The following STX3 variants were observed in gnomAD, a reference collection of about 807,000 sequenced individuals.
STX3 encodes syntaxin 3.
A neutral mutation model predicts 40.2 loss-of-function variants in STX3; 19 were observed. The ratio of observed to expected loss-of-function variants is 0.47; its 90% CI spans 0.33 to 0.69. The LOEUF is 0.69. Among genes scored for constraint, STX3 ranks in the 30% least tolerant of loss-of-function variants. The pLI, the probability that STX3 is intolerant of heterozygous loss-of-function variation, is 0.02. For missense variants in STX3, 364 were observed against 366.7 expected, an observed-to-expected ratio of 0.99 and a Z score of 0.06; for synonymous variants, 122 against 132.2, an observed-to-expected ratio of 0.92 and a Z score of 0.53.
At position 59,801,531 on chromosome 11, in the gene STX3, G is replaced by A. The variant is rs1865887354; in HGVS notation, c.*707G>A. 4.1e-6 allele frequency: 4 copies of A among 985,412 alleles called. No homozygotes were observed. The highest frequency in any genetic ancestry group is 4.8e-6 in the Non-Finnish European group (4 of 829,930). The allele number at this position is 985,412 out of a possible 1,614,324, so 61.0% of individuals were successfully genotyped here. On this transcript the variant is annotated 3_prime_UTR_variant, in exon 11 of 11. Transcript: ENST00000337979. ...ATACAGTCATCTGAGGTTATGCTTT[G>A]CAAAAGGCTGACGGTATGGAATATG...
intron 10 of STX3, among the ~76,000 whole-genome samples, chr11:59,799,046 C>T (rs1038580999): frequency 3.9e-5 from 6 of 152,090 alleles, no homozygotes; most frequent in Admixed American, 1.3e-4. Context: ...TACACCAACA[C>T]GCCAAGATAA....
chr11:59,764,883 C>CTATTATTATTAT (rs71454394), intron 1 of STX3, among the ~76,000 whole-genome samples: 335 of 145,158 alleles, frequency 2.3e-3, no homozygotes, highest in East Asian at 5.5e-3. Flanking sequence ...CACACATTAT[C>CTATTATTATTAT]TATTATTATT....
chr11:59,758,082 G>A (rs1387216584), intron 1 of STX3, among the ~76,000 whole-genome samples: 1 of 152,084 alleles, frequency 6.6e-6, no homozygotes, highest in Non-Finnish European at 1.5e-5. Flanking sequence ...ACTGCCTCCC[G>A]ATAACTGGAG....
At chr11:59,757,423 A>G (rs548992038) in intron 1 of STX3, among the ~76,000 whole-genome samples, 1 of 152,166 alleles carries the variant, frequency 6.6e-6, no homozygotes, top group Admixed American at 6.5e-5. Context: ...TCAGTAGCTC[A>G]TTGTCAACAA....
At position 59,795,729 on chromosome 11, in the gene STX3, C is replaced by T. The variant is rs778464052; in HGVS notation, c.786+247C>T. ...GCCCGGAGGGTGAGCACCTTCATCT[C>T]AACTGTCCTTCGTCTCAGCTGTCTT... On this transcript the variant is annotated intron_variant, in intron 9 of 10. Coordinates refer to ENST00000337979, the MANE Select transcript of STX3 (RefSeq NM_004177.5). 2.3e-5 allele frequency: 36 copies of T among 1,532,570 alleles called. No homozygotes were observed. In the South Asian group the frequency reaches 3.5e-4, roughly 15 times the overall value. The allele number at this position is 1,532,570 out of a possible 1,614,324, so 94.9% of individuals were successfully genotyped here. A position where few individuals can be genotyped will look rare whatever the true frequency, so the allele number is the denominator to read the frequency against.
At chr11:59,763,140 A>G (rs958655206) in intron 1 of STX3, among the ~76,000 whole-genome samples, 3 of 152,196 alleles carry the variant, frequency 2.0e-5, no homozygotes, top group South Asian at 2.1e-4. Context: ...AGAATGAACA[A>G]ATGAATCTGT....
At chr11:59,781,473 G>A (rs553220746) in intron 2 of STX3, 18 of 1,613,662 alleles carry the variant, frequency 1.1e-5, no homozygotes, top group East Asian at 2.2e-5. Flanking sequence ...GACAGTCTGA[G>A]TTTTTCTGCC....
At chr11:59,764,151 A>G (rs971313974) in intron 1 of STX3, among the ~76,000 whole-genome samples, 2 of 152,264 alleles carry the variant, frequency 1.3e-5, no homozygotes, top group African/African-American at 4.8e-5. Flanking sequence ...GATTTAAAGC[A>G]CATGAGGTAA....
At chr11:59,770,493 A>G (rs555300199) in intron 1 of STX3, among the ~76,000 whole-genome samples, 85 of 151,970 alleles carry the variant, frequency 5.6e-4, no homozygotes, top group Non-Finnish European at 1.1e-3. Flanking sequence ...GATACTCCCT[A>G]AAAAGCTTAT....
chr11:59,767,961 A>C (rs1020558367), intron 1 of STX3, among the ~76,000 whole-genome samples: 2 of 152,174 alleles, frequency 1.3e-5, no homozygotes, highest in Non-Finnish European at 2.9e-5. Flanking sequence ...AAAGATACTC[A>C]TATCCAGGTC....
Position 59,801,283 on chromosome 11 carries a change from A to G in STX3, c.*459A>G. The stretch of plus-strand genomic sequence containing the variant: ...AATGATTCTTCTAAGTTTGGCAACA[A>G]GAAGGCTTGGATCTGAGTCTTCTAC... On this transcript the variant is annotated 3_prime_UTR_variant, in exon 11 of 11. Transcript: ENST00000337979. 9.9e-7 allele frequency: 1 copy of G among 1,005,982 alleles called. No homozygotes were observed. Among genetic ancestry groups the G allele is most frequent in the Non-Finnish European group, 1.2e-6 (1 of 842,382 alleles). 62.3% of individuals were successfully genotyped at this position (1,005,982 alleles called of 1,614,324 possible). A position where few individuals can be genotyped will look rare whatever the true frequency, so the allele number is the denominator to read the frequency against.
intron 1 of STX3, 26 bp from the exon 2 acceptor site, chr11:59,773,185 A>T: frequency 1.9e-6 from 3 of 1,611,636 alleles, no homozygotes; most frequent in Non-Finnish European, 2.5e-6. Context: ...TTTTAGCCTC[A>T]CTCTGCTCTT....
chr11:59,758,302 G>A (rs1174921124), intron 1 of STX3, among the ~76,000 whole-genome samples: 1 of 152,178 alleles, frequency 6.6e-6, no homozygotes, highest in African/African-American at 2.4e-5. Context: ...ATCTCTTGGA[G>A]GGGAGGTGAA....
chr11:59,758,255 A>G (rs1862840180), intron 1 of STX3, among the ~76,000 whole-genome samples: 1 of 152,148 alleles, frequency 6.6e-6, no homozygotes. Context: ...GGAAGCAAGA[A>G]GCTTGTTGGG....
intron 1 of STX3, among the ~76,000 whole-genome samples, chr11:59,758,855 G>A (rs893794590): frequency 2.0e-5 from 3 of 152,228 alleles, no homozygotes; most frequent in African/African-American, 7.2e-5. Context: ...CCCACTGTGT[G>A]CCAGTCCTTG....
Position 59,755,452 on chromosome 11 carries a change from C to T in STX3, c.-154C>T, listed in dbSNP as rs1320553893. On this transcript the variant is annotated 5_prime_UTR_variant, in exon 1 of 11. Coordinates refer to ENST00000337979, the MANE Select transcript of STX3 (RefSeq NM_004177.5). ...GCTCCCGTGGCCTCGGACGCTCCTC[C>T]TAGCTAGCGGCCGCCGCCCGCCGCC... 5.7e-6 allele frequency: 5 copies of T among 872,926 alleles called. No homozygotes were observed. The highest frequency in any genetic ancestry group is 7.9e-6 in the Non-Finnish European group (5 of 629,322). 54.1% of individuals were successfully genotyped at this position (872,926 alleles called of 1,614,324 possible). A position where few individuals can be genotyped will look rare whatever the true frequency, so the allele number is the denominator to read the frequency against.
At chr11:59,769,889 G>A (rs1336757154) in intron 1 of STX3, among the ~76,000 whole-genome samples, 4 of 151,224 alleles carry the variant, frequency 2.6e-5, no homozygotes, top group South Asian at 4.2e-4. Context: ...GTGTGTGGGT[G>A]TATGTTTGGA....
chr11:59,766,422 T>C (rs1358367328), intron 1 of STX3, among the ~76,000 whole-genome samples: 3 of 152,168 alleles, frequency 2.0e-5, no homozygotes, highest in Non-Finnish European at 4.4e-5. Context: ...AAATCTTATA[T>C]TGAATCCCAG....
intron 1 of STX3, among the ~76,000 whole-genome samples, chr11:59,762,130 A>G (rs958167918): frequency 6.6e-6 from 1 of 152,024 alleles, no homozygotes; most frequent in Non-Finnish European, 1.5e-5. Flanking sequence ...CTGTCTGACA[A>G]TTGCTTAGTC....
Sources: allele counts gnomAD v4.1 joint callset (sites outside exome capture counted in the v4.1 genomes callset), GRCh38; gene constraint gnomAD v4.1.1; transcripts MANE v1.5; gene names NCBI Gene and HGNC (gene_info 2026-07-23, HGNC 2026-07-21).